AGMO: variants seen among roughly 807,000 people sequenced by gnomAD.
The protein encoded by AGMO is alkylglycerol monooxygenase.
In AGMO, 75 loss-of-function variants were observed where a neutral mutation model predicts 60.2. That is an observed-to-expected ratio of 1.25 (90% CI 1.03 to 1.51). The LOEUF is 1.51. Among genes scored for constraint, AGMO ranks in the 40% most tolerant of loss-of-function variants. AGMO has a pLI of 0.00. For synonymous variants in AGMO, 261 were observed against 177.1 expected (o/e 1.47, Z -3.76); for missense variants, 763 against 525.5 (o/e 1.45, Z -4.42).
At chr7:15,117,657 C>T in the AGMO span, among the ~76,000 whole-genome samples, 1 of 152,062 alleles carries the variant, frequency 6.6e-6, no homozygotes, top group South Asian at 2.1e-4. Context: ...AGTACATGTA[C>T]TCCTTGAACG....
intron 12 of AGMO, among the ~76,000 whole-genome samples, chr7:15,253,607 G>A (rs987459704): frequency 2.0e-5 from 3 of 152,070 alleles, no homozygotes; most frequent in Non-Finnish European, 2.9e-5. Flanking sequence ...GGACTACAAT[G>A]TGTTGTTTCC....
intron 3 of AGMO, among the ~76,000 whole-genome samples, chr7:15,485,234 T>C (rs906828767): frequency 6.6e-6 from 1 of 151,490 alleles, no homozygotes; most frequent in Admixed American, 6.6e-5. Flanking sequence ...GGAGAATCCC[T>C]TGAACCTGGG....
At chr7:15,222,408 A>G (rs1781949900) in intron 12 of AGMO, among the ~76,000 whole-genome samples, 2 of 152,112 alleles carry the variant, frequency 1.3e-5, no homozygotes, top group South Asian at 2.1e-4. Context: ...AAACTGATAG[A>G]AAAAGAAAGA....
chr7:15,374,106 A>T (rs73064602), intron 10 of AGMO, among the ~76,000 whole-genome samples: 28,316 of 152,200 alleles, frequency 0.19, 2,871 homozygotes, highest in Middle Eastern at 0.24. Context: ...GTGTTACAAC[A>T]TAAACACAAG....
chr7:15,432,266 T>C (rs1262434042), intron 3 of AGMO, among the ~76,000 whole-genome samples: 1 of 150,378 alleles, frequency 6.6e-6, no homozygotes, highest in Non-Finnish European at 1.5e-5. Flanking sequence ...GCATGGTACA[T>C]AGTAGAATAA....
intron 3 of AGMO, among the ~76,000 whole-genome samples, chr7:15,502,386 T>C (rs1167740144): frequency 1.3e-5 from 2 of 151,888 alleles, no homozygotes; most frequent in Non-Finnish European, 2.9e-5. Flanking sequence ...CAATTTATAA[T>C]CATATATACT....
downstream of AGMO, among the ~76,000 whole-genome samples, chr7:15,198,250 AGAGAGACAGAGACAGAGAGAGAGT>A (rs1300056474): frequency 0.012 from 927 of 76,158 alleles, 38 homozygotes; most frequent in South Asian, 0.02. Context: ...AGAGAGAGAG[AGAGAGACAGAGACAGAGAGAGAGT>A]GTGTTAAAGT....
intron 12 of AGMO, among the ~76,000 whole-genome samples, chr7:15,255,534 C>CAAAA (rs60035165): frequency 3.5e-4 from 40 of 115,710 alleles, no homozygotes; most frequent in African/African-American, 7.1e-4. Context: ...TGTAAGAATA[C>CAAAA]AAAAAAAAAA....
the AGMO span, among the ~76,000 whole-genome samples, chr7:15,158,561 A>T: frequency 6.6e-6 from 1 of 152,238 alleles, no homozygotes; most frequent in African/African-American, 2.4e-5. Flanking sequence ...TTACTGTGGA[A>T]TCACAATAGC....
the AGMO span, among the ~76,000 whole-genome samples, chr7:15,179,853 C>T: frequency 1.3e-5 from 2 of 152,162 alleles, no homozygotes; most frequent in African/African-American, 4.8e-5. Context: ...ACTGCCATGG[C>T]TTTTACCTTC....
intron 12 of AGMO, among the ~76,000 whole-genome samples, chr7:15,312,974 T>C (rs1780812176): frequency 1.3e-5 from 2 of 152,094 alleles, no homozygotes; most frequent in South Asian, 4.1e-4. Flanking sequence ...CAGCCAAGAA[T>C]TTCTGAATAA....
intron 12 of AGMO, among the ~76,000 whole-genome samples, chr7:15,254,611 T>C (rs1783043635): frequency 6.6e-6 from 1 of 152,118 alleles, no homozygotes; most frequent in Non-Finnish European, 1.5e-5. Context: ...GAGTTCCTTA[T>C]AAAATCTGGA....
At chr7:15,346,203 T>G (rs754788703) in intron 12 of AGMO, among the ~76,000 whole-genome samples, 8 of 152,150 alleles carry the variant, frequency 5.3e-5, no homozygotes, top group Non-Finnish European at 1.0e-4. Flanking sequence ...GTATGTTAAC[T>G]TTCAATCAGC....
intron 3 of AGMO, among the ~76,000 whole-genome samples, chr7:15,500,122 TAAAAG>T (rs1297213572): frequency 6.6e-6 from 1 of 151,736 alleles, no homozygotes; most frequent in Non-Finnish European, 1.5e-5. Flanking sequence ...ATTATCAAAT[TAAAAG>T]AGAAGATTAA....
At position 15,219,463 on chromosome 7, in the gene AGMO, A is replaced by G. The variant is rs569670587; in HGVS notation, c.1264-18104T>C. Among the ~76,000 whole-genome samples, 6 of 152,248 alleles carry G rather than the reference A, an allele frequency of 3.9e-5. No homozygotes were observed. In the South Asian group the frequency reaches 1.2e-3, roughly 32 times the overall value. On this transcript the variant is annotated intron_variant, in intron 12 of 12. Transcript: ENST00000342526. ...GGAGGAAGGAAAGTTTTGGGGCCAG[A>G]AACAACAATCCAGGAAGGAAAAAAA...
the AGMO span, among the ~76,000 whole-genome samples, chr7:15,124,548 C>G: frequency 3.3e-5 from 5 of 152,046 alleles, no homozygotes; most frequent in East Asian, 9.7e-4. Context: ...AATTTGCTGA[C>G]ATATTCTCCT....
intron 8 of AGMO, among the ~76,000 whole-genome samples, chr7:15,389,990 C>G (rs1047104965): frequency 9.9e-5 from 15 of 152,168 alleles, no homozygotes; most frequent in Non-Finnish European, 4.4e-5. Context: ...CCGTACAGAG[C>G]TGTCATTGAC....
intron 5 of AGMO, among the ~76,000 whole-genome samples, chr7:15,398,005 A>G (rs544190690): frequency 6.6e-6 from 1 of 152,326 alleles, no homozygotes; most frequent in South Asian, 2.1e-4. Flanking sequence ...CAGTCAGGAC[A>G]TTGAAATCTG....
Position 15,322,517 on chromosome 7 carries a change from AAT to A in AGMO, c.1263+42995_1263+42996del, listed in dbSNP as rs1330853560. ...ATATAAATATATAAATATATATATA[AAT>A]ATATATAAATATATAAATATATATA... On this transcript the variant is annotated intron_variant, in intron 12 of 12. Transcript: ENST00000342526. Among the ~76,000 whole-genome samples the A allele has an allele frequency of 6.4e-4, 48 of 74,888 alleles. 1 individual carries two copies. The highest frequency in any genetic ancestry group is 2.4e-3 in the African/African-American group (37 of 15,138). 49.1% of individuals were successfully genotyped at this position (74,888 alleles called of 152,430 possible). A position where few individuals can be genotyped will look rare whatever the true frequency, so the allele number is the denominator to read the frequency against.
Sources: allele counts gnomAD v4.1 joint callset (sites outside exome capture counted in the v4.1 genomes callset), GRCh38; gene constraint gnomAD v4.1.1; transcripts MANE v1.5; gene names NCBI Gene and HGNC (gene_info 2026-07-23, HGNC 2026-07-21).